The following MED13L variants were observed in gnomAD, a reference collection of about 807,000 sequenced individuals.
MED13L encodes mediator complex subunit 13L.
Under a neutral mutation model 220.9 loss-of-function variants are expected in MED13L, and 7 were observed. The observed-to-expected ratio is 0.03, with a 90% CI of 0.02 to 0.06. MED13L has a LOEUF of 0.06. MED13L is among the 10% of genes least tolerant of loss of function. The pLI is 1.00. For missense variants in MED13L, 1,965 were observed against 2,760.5 expected (o/e 0.71, Z 6.46); for synonymous variants, 1,011 against 1,015.2 (o/e 1.00, Z 0.08).
At chr12:116,234,655 C>T in intron 2 of MED13L, among the ~76,000 whole-genome samples, 1 of 152,040 alleles carries the variant, frequency 6.6e-6, no homozygotes. Flanking sequence ...GATTCTGCTA[C>T]TATTTATTTA....
chr12:115,959,661 G>A lies in MED13L; in HGVS notation c.*1605C>T, dbSNP rs773720990. 2.0e-5 allele frequency: 3 copies of A among 152,378 alleles called. No individual in the cohort carries two copies. Among genetic ancestry groups the A allele is most frequent in the South Asian group, 2.1e-4 (1 of 4,816 alleles). 9.4% of individuals were successfully genotyped at this position (152,378 alleles called of 1,614,324 possible). A position where few individuals can be genotyped will look rare whatever the true frequency, so the allele number is the denominator to read the frequency against. On this transcript the variant is annotated 3_prime_UTR_variant, in exon 31 of 31. Coordinates refer to ENST00000281928, the MANE Select transcript of MED13L (RefSeq NM_015335.5). ...TCAGATTTTTTATCCTATACATTGCGAAAGTCAACCCCCCCTTCAACTGGT... is the reference window on the plus strand; with the variant it reads ...TCAGATTTTTTATCCTATACATTGCAAAAGTCAACCCCCCCTTCAACTGGT...
chr12:116,205,419 C>T (rs1313916271), intron 2 of MED13L, among the ~76,000 whole-genome samples: 1 of 145,120 alleles, frequency 6.9e-6, no homozygotes, highest in Non-Finnish European at 1.5e-5. Flanking sequence ...GACATAAGTT[C>T]TTATTAGAAG....
intron 4 of MED13L, among the ~76,000 whole-genome samples, chr12:116,069,273 C>T (rs1870191737): frequency 6.6e-6 from 1 of 152,218 alleles, no homozygotes; most frequent in Admixed American, 6.5e-5. Flanking sequence ...TAGATGCTAT[C>T]TAGCCAACTC....
intron 2 of MED13L, among the ~76,000 whole-genome samples, chr12:116,227,174 G>A (rs2138417194): frequency 6.6e-6 from 1 of 152,078 alleles, no homozygotes; most frequent in South Asian, 2.1e-4. Context: ...ACAACTCAAA[G>A]GTAGCCTTCT....
At chr12:116,203,552 G>A (rs542512338) in intron 2 of MED13L, among the ~76,000 whole-genome samples, 5 of 152,164 alleles carry the variant, frequency 3.3e-5, no homozygotes, top group African/African-American at 1.2e-4. Flanking sequence ...GGGCGCAGTG[G>A]CTCACACCTG....
chr12:116,268,936 A>AT lies in MED13L; in HGVS notation c.72+8123dup, dbSNP rs1177389037. Among the ~76,000 whole-genome samples the AT allele has an allele frequency of 1.6e-4, 24 of 152,126 alleles. No individual in the cohort carries two copies. The East Asian group carries it at 3.7e-3, about 23-fold the overall frequency. ...TTTCCTGCTTTATCTTCTCCTATCA[A>AT]TTTTTTTTCCCCATCAACTTTTATT... On this transcript the variant is annotated intron_variant, in intron 1 of 30. Transcript: ENST00000281928.
intron 2 of MED13L, among the ~76,000 whole-genome samples, chr12:116,173,201 G>A (rs1879807793): frequency 6.6e-6 from 1 of 150,856 alleles, no homozygotes. Context: ...ATAGGTTTAA[G>A]AATAAAATAT....
intron 2 of MED13L, chr12:116,236,981 T>A (rs1870139511): frequency 2.1e-6 from 1 of 475,586 alleles, no homozygotes; most frequent in African/African-American, 2.2e-5. Context: ...TATTCATCTT[T>A]CCTCAAAATA....
At chr12:115,985,044 G>A (rs1877593301) in intron 19 of MED13L, among the ~76,000 whole-genome samples, 1 of 152,114 alleles carries the variant, frequency 6.6e-6, no homozygotes, top group Admixed American at 6.5e-5. Flanking sequence ...GGCTTACTAA[G>A]CCCCGACAAA....
intron 1 of MED13L, among the ~76,000 whole-genome samples, chr12:116,247,689 G>GTA (rs10685049): frequency 0.15 from 23,123 of 151,704 alleles, 1,953 homozygotes; most frequent in Middle Eastern, 0.22. Context: ...AGATGCTAAC[G>GTA]TATATATATA....
rs537373226 is a variant in MED13L, at chr12:116,058,383, T to C, written c.480-35782A>G. Among the ~76,000 whole-genome samples the C allele has an allele frequency of 2.0e-5, 3 of 152,276 alleles. No homozygotes were observed. In the East Asian group the frequency reaches 5.8e-4, roughly 29 times the overall value. On this transcript the variant is annotated intron_variant, in intron 4 of 30. Coordinates refer to ENST00000281928, the MANE Select transcript of MED13L (RefSeq NM_015335.5). Reference sequence around the variant, plus strand: ...CAACTTCAAAAACTCAAAAATACTGTTTTCCCCATATATTCTGAAGGTGCC... The same window carrying C: ...CAACTTCAAAAACTCAAAAATACTGCTTTCCCCATATATTCTGAAGGTGCC...
chr12:116,197,325 G>A (rs1169543629), intron 2 of MED13L, among the ~76,000 whole-genome samples: 1 of 152,132 alleles, frequency 6.6e-6, no homozygotes, highest in Admixed American at 6.5e-5. Context: ...CATGTCAGTA[G>A]GACTCTGGCC....
intron 2 of MED13L, among the ~76,000 whole-genome samples, chr12:116,225,308 GT>G (rs1174193135): frequency 1.3e-5 from 2 of 152,098 alleles, no homozygotes; most frequent in Non-Finnish European, 2.9e-5. Context: ...TTTTAAATCT[GT>G]TTCAGGGCTC....
intron 4 of MED13L, among the ~76,000 whole-genome samples, chr12:116,025,534 G>A (rs1307005762): frequency 6.6e-6 from 1 of 152,160 alleles, no homozygotes; most frequent in Non-Finnish European, 1.5e-5. Flanking sequence ...ATACACAATG[G>A]AATACTATTA....
intron 2 of MED13L, among the ~76,000 whole-genome samples, chr12:116,186,405 C>A (rs541391175): frequency 1.4e-4 from 22 of 152,092 alleles, no homozygotes; most frequent in Non-Finnish European, 2.6e-4. Context: ...GGGAGGGTGA[C>A]AAAACACCTG....
In MED13L at chr12:115,963,393, A is replaced by C; in HGVS notation, c.6500+14T>G. 2 of 1,551,706 alleles carry C rather than the reference A, an allele frequency of 1.3e-6. No individual in the cohort carries two copies. Among genetic ancestry groups the C allele is most frequent in the South Asian group, 1.1e-5 (1 of 89,798 alleles). ...TTCAAATTGCACTGCTATGATGCCT[A>C]GGTTGGTATCTACCTTAAAACATCC... On this transcript the variant is annotated intron_variant, in intron 30 of 30. Transcript: ENST00000281928.
chr12:116,252,410 A>G (rs1348854681), intron 1 of MED13L, among the ~76,000 whole-genome samples: 2 of 152,054 alleles, frequency 1.3e-5, no homozygotes, highest in Non-Finnish European at 2.9e-5. Context: ...GTGGTGGCAC[A>G]TGCCTGTGGT....
chr12:115,967,133 T>C lies in MED13L; in HGVS notation c.6226-890A>G, dbSNP rs1876222485. On this transcript the variant is annotated intron_variant, in intron 28 of 30. Transcript: ENST00000281928. ...TTGCAGTGAGCCAAGATCATGCCAC[T>C]GCACTCTAGCTTGAGCAACAGAGTG... is the stretch of plus-strand genomic sequence containing the variant. Among the ~76,000 whole-genome samples, 4 of 120,282 alleles carry C rather than the reference T, an allele frequency of 3.3e-5. No homozygotes were observed. In the Admixed American group the frequency reaches 3.4e-4, roughly 10 times the overall value. 78.9% of individuals were successfully genotyped at this position (120,282 alleles called of 152,430 possible).
intron 4 of MED13L, among the ~76,000 whole-genome samples, chr12:116,026,115 G>C (rs1880375766): frequency 6.6e-6 from 1 of 152,172 alleles, no homozygotes; most frequent in Admixed American, 6.5e-5. Context: ...AGTTTGGAAT[G>C]GTGGGATGTG....
Sources: allele counts gnomAD v4.1 joint callset (sites outside exome capture counted in the v4.1 genomes callset), GRCh38; gene constraint gnomAD v4.1.1; transcripts MANE v1.5; gene names NCBI Gene and HGNC (gene_info 2026-07-23, HGNC 2026-07-21).